The following NDUFAF6 variants were observed in gnomAD, a reference collection of about 807,000 sequenced individuals.
NDUFAF6 encodes the protein NADH dehydrogenase (ubiquinone) complex I, assembly factor 6.
In NDUFAF6, 45 loss-of-function variants were observed where a neutral mutation model predicts 40.8. The observed-to-expected ratio is 1.10, with a 90% CI of 0.87 to 1.42. The LOEUF (loss-of-function observed/expected upper bound fraction) is 1.42. Ranked by LOEUF, NDUFAF6 falls within the 40% of genes most tolerant of loss-of-function variation. NDUFAF6 has a pLI of 0.00. For synonymous variants in NDUFAF6, 185 were observed against 155.9 expected (o/e 1.19, Z -1.39); for missense variants, 435 against 418.5 (o/e 1.04, Z -0.34).
intron 1 of NDUFAF6, chr8:94,941,075 A>C: frequency 1.6e-6 from 1 of 635,900 alleles, no homozygotes; most frequent in Non-Finnish European, 2.7e-6. Flanking sequence ...GGTGAAAAGC[A>C]AGAAGAGTCA....
intron 3 of NDUFAF6, chr8:95,036,513 C>G (rs1719003080): frequency 7.8e-7 from 1 of 1,287,494 alleles, no homozygotes; most frequent in Admixed American, 2.3e-5. Context: ...TAGATTAGTT[C>G]TTTACCTCTG....
At chr8:95,005,067 A>G (rs1178354727) in intron 2 of NDUFAF6, among the ~76,000 whole-genome samples, 1 of 152,232 alleles carries the variant, frequency 6.6e-6, no homozygotes, top group Non-Finnish European at 1.5e-5. Context: ...TTTTAGGGTC[A>G]GATTGATCTA....
chr8:94,939,285 C>A (rs941817512), intron 1 of NDUFAF6, among the ~76,000 whole-genome samples: 2 of 152,188 alleles, frequency 1.3e-5, no homozygotes, highest in Non-Finnish European at 2.9e-5. Flanking sequence ...TTCTAAGATA[C>A]TTAACAGAAA....
rs1283235837 is a variant in NDUFAF6, at chr8:95,039,072, G to T, written c.421-2498G>T. On this transcript the variant is annotated intron_variant, in intron 3 of 8. Coordinates refer to ENST00000396124, the MANE Select transcript of NDUFAF6 (RefSeq NM_152416.4). ...GCTCACTGCAACTTTCACCTGCTGG[G>T]CTCAAGCCATTCTCCTACCTCAGCC... Among the ~76,000 whole-genome samples the T allele has an allele frequency of 2.0e-5, 3 of 151,720 alleles. No individual in the cohort carries two copies. The East Asian group carries it at 5.9e-4, about 30-fold the overall frequency.
intron 1 of NDUFAF6, among the ~76,000 whole-genome samples, chr8:94,945,036 T>G (rs1563735409): frequency 1.3e-5 from 2 of 152,216 alleles, no homozygotes; most frequent in Non-Finnish European, 2.9e-5. Flanking sequence ...CATGAACACT[T>G]GAAATGTGAC....
chr8:94,909,374 A>AAC (rs1818603426), intron 1 of NDUFAF6, among the ~76,000 whole-genome samples: 1 of 54,168 alleles, frequency 1.8e-5, no homozygotes, highest in Non-Finnish European at 4.2e-5. Flanking sequence ...AAAAAAAAAA[A>AAC]AAAAAAAACA....
At chr8:95,082,460 C>G (rs185015426) in intron 2 of NDUFAF6, among the ~76,000 whole-genome samples, 50 of 152,174 alleles carry the variant, frequency 3.3e-4, no homozygotes, top group Admixed American at 2.5e-3. Context: ...AGAATCATCT[C>G]CTTCTGTTCA....
chr8:94,985,214 C>G (rs79636532), intron 2 of NDUFAF6, among the ~76,000 whole-genome samples: 2,251 of 151,850 alleles, frequency 0.015, 68 homozygotes, highest in African/African-American at 0.048. Context: ...ACTGTGAGCA[C>G]TGGAGCTATG....
chr8:95,025,171 T>C lies in NDUFAF6; in HGVS notation c.163T>C (p.Trp55Arg), dbSNP rs866098943. ...GGCTGCGGCCAGCGGACCGGGCGCC[T>C]GGGGCACTGACCACTACTGCCTGGA... Reference protein sequence around the residue: ...SVAAASGPGAWGTDHYCLELL... With the variant: ...SVAAASGPGARGTDHYCLELL... Residue 55 changes from tryptophan (W) to arginine (R), a missense_variant, in exon 1 of 9, where the codon TGG becomes CGG. Coordinates refer to ENST00000396124, the MANE Select transcript of NDUFAF6 (RefSeq NM_152416.4). 9 of 1,480,074 alleles carry C rather than the reference T, an allele frequency of 6.1e-6. No homozygotes were observed. The highest frequency in any genetic ancestry group is 1.5e-5 in the African/African-American group (1 of 68,166). 91.7% of individuals were successfully genotyped at this position (1,480,074 alleles called of 1,614,324 possible). A position where few individuals can be genotyped will look rare whatever the true frequency, so the allele number is the denominator to read the frequency against.
chr8:94,997,724 A>G (rs762713606), intron 2 of NDUFAF6, among the ~76,000 whole-genome samples: 5 of 152,234 alleles, frequency 3.3e-5, no homozygotes, highest in Non-Finnish European at 5.9e-5. Flanking sequence ...GGTCTGTAAT[A>G]AGCAGCTCTT....
At chr8:95,004,899 A>G (rs1028757370) in intron 2 of NDUFAF6, among the ~76,000 whole-genome samples, 1 of 152,236 alleles carries the variant, frequency 6.6e-6, no homozygotes, top group African/African-American at 2.4e-5. Context: ...AGTTCTTGGT[A>G]CTCAATAAAT....
upstream of NDUFAF6, among the ~76,000 whole-genome samples, chr8:95,098,868 G>A (rs1050711322): frequency 6.6e-6 from 1 of 151,974 alleles, no homozygotes; most frequent in Non-Finnish European, 1.5e-5. Context: ...GTTGCAGTGC[G>A]CCAAGATCGC....
chr8:95,024,127 T>C (rs755370542), upstream of NDUFAF6, among the ~76,000 whole-genome samples: 4 of 152,394 alleles, frequency 2.6e-5, no homozygotes, highest in Non-Finnish European at 5.9e-5. Context: ...AGTTCCATGC[T>C]GGACCTTGGA....
At chr8:94,947,293 A>G (rs975180980) in intron 2 of NDUFAF6, among the ~76,000 whole-genome samples, 2 of 152,062 alleles carry the variant, frequency 1.3e-5, no homozygotes, top group African/African-American at 2.4e-5. Context: ...TTAAAAAAAA[A>G]AAAAAAACCC....
At chr8:94,959,070 C>T (rs995535633) in intron 1 of NDUFAF6, among the ~76,000 whole-genome samples, 5 of 110,058 alleles carry the variant, frequency 4.5e-5, no homozygotes, top group Admixed American at 4.0e-4. Flanking sequence ...AAAATGGCTG[C>T]GGGAAAGAGG....
intron 2 of NDUFAF6, among the ~76,000 whole-genome samples, chr8:94,992,947 A>G (rs1295695047): frequency 3.9e-5 from 6 of 152,184 alleles, no homozygotes; most frequent in African/African-American, 1.2e-4. Flanking sequence ...GGTTGAGACA[A>G]TTCCTCCTGC....
At chr8:95,049,759 C>T (rs939344585) in intron 7 of NDUFAF6, among the ~76,000 whole-genome samples, 2 of 152,124 alleles carry the variant, frequency 1.3e-5, no homozygotes, top group African/African-American at 2.4e-5. Flanking sequence ...CTTCCTTTTC[C>T]ATCACCCTCA....
At chr8:95,105,800 C>T (rs1356131282), downstream of NDUFAF6, among the ~76,000 whole-genome samples, 1 of 151,558 alleles carries the variant, frequency 6.6e-6, no homozygotes, top group Non-Finnish European at 1.5e-5. Flanking sequence ...CACACCTGGC[C>T]AATTTTTGTA....
Position 95,025,029 on chromosome 8 carries a change from CTCTG to C in NDUFAF6, c.26_29del (p.Val9GlyfsTer81). The C allele has an allele frequency of 2.9e-6, 4 of 1,380,192 alleles. No homozygotes were observed. Among genetic ancestry groups the C allele is most frequent in the Non-Finnish European group, 3.7e-6 (4 of 1,077,888 alleles). 85.5% of individuals were successfully genotyped at this position (1,380,192 alleles called of 1,614,324 possible). On this transcript the variant is annotated frameshift_variant, in exon 1 of 9. Coordinates refer to ENST00000396124, the MANE Select transcript of NDUFAF6 (RefSeq NM_152416.4). LOFTEE classifies it high-confidence loss of function. ...GCGTCATGGCGGCCTCCGCGCACGG[CTCTG>C]TCTGGGGGCCGTTGCGGCTTGGCAT...
Sources: allele counts gnomAD v4.1 joint callset (sites outside exome capture counted in the v4.1 genomes callset), GRCh38; gene constraint gnomAD v4.1.1; transcripts MANE v1.5; gene names NCBI Gene and HGNC (gene_info 2026-07-23, HGNC 2026-07-21).